PGA5: variants seen among roughly 807,000 people sequenced by gnomAD.
The protein encoded by PGA5 is pepsinogen A5.
Under a neutral mutation model 15.9 loss-of-function variants are expected in PGA5, and 19 were observed. The observed-to-expected ratio is 1.19, with a 90% CI of 0.83 to 1.75. The LOEUF is 1.75. PGA5 is among the 40% of genes most tolerant of loss of function. The pLI is 0.00. For synonymous variants in PGA5, 92 were observed against 95.8 expected (o/e 0.96, Z 0.23); for missense variants, 224 against 246.4 (o/e 0.91, Z 0.61).
Position 61,249,652 on chromosome 11 carries a change from T to C in PGA5, c.774-17T>C, listed in dbSNP as rs759790303. The stretch of plus-strand genomic sequence containing the variant: ...CCCCTGAGGGCTCAGGGAGCTTAAC[T>C]TGCTTCTTACCCTCAGCATCACCAT... On this transcript the variant is annotated splice_polypyrimidine_tract_variant and intron_variant, in intron 6 of 8. Transcript: ENST00000312403. The C allele has an allele frequency of 1.9e-6, 3 of 1,613,578 alleles. No individual in the cohort carries two copies. The South Asian group carries it at 3.3e-5, about 18-fold the overall frequency.
At position 61,246,144 on chromosome 11, in the gene PGA5, G is replaced by A. The variant is rs1457693544; in HGVS notation, c.655G>A (p.Ala219Thr). The A allele has an allele frequency of 3.0e-5, 12 of 395,050 alleles. 1 individual carries two copies. Among genetic ancestry groups the A allele is most frequent in the Admixed American group, 2.7e-4 (6 of 22,074 alleles). 24.5% of individuals were successfully genotyped at this position (395,050 alleles called of 1,614,324 possible). A position where few individuals can be genotyped will look rare whatever the true frequency, so the allele number is the denominator to read the frequency against. Reference protein sequence around the residue: ...SQDLFSVYLSADDKSGSVVIF... With the variant: ...SQDLFSVYLSTDDKSGSVVIF... ...GGACCTCTTCTCTGTCTACCTCAGC[G>A]CGTAAGTTGAGTGGAGAGGGGCCTC... The change falls in exon 5 of 9, where the codon GCC becomes ACC. Residue 219 changes from alanine to threonine, a missense_variant and splice_region_variant. Coordinates refer to ENST00000312403, the MANE Select transcript of PGA5 (RefSeq NM_014224.5).
At chr11:61,246,299 T>G (rs1350600569) in intron 5 of PGA5, among the ~76,000 whole-genome samples, 154 bp downstream of exon 5, 1 of 143,368 alleles carries the variant, frequency 7.0e-6, no homozygotes, top group African/African-American at 2.7e-5. Flanking sequence ...GAAGTGTGTC[T>G]TTGGAGAGTA....
At chr11:61,248,385 A>C in intron 5 of PGA5, 34 bp from the exon 6 acceptor site, 1 of 1,613,804 alleles carries the variant, frequency 6.2e-7, no homozygotes, top group Non-Finnish European at 8.5e-7. Context: ...GGACGAACAA[A>C]AAAATTCATG....
chr11:61,248,250 G>A, intron 5 of PGA5, 169 bp from the exon 6 acceptor site: 1 of 1,500,700 alleles, frequency 6.7e-7, no homozygotes, highest in Non-Finnish European at 9.3e-7. Context: ...AACAGTGACG[G>A]TGCCCACTGC....
intron 5 of PGA5, among the ~76,000 whole-genome samples, chr11:61,246,848 A>G (rs1297335258): frequency 6.6e-6 from 1 of 151,984 alleles, no homozygotes; most frequent in Non-Finnish European, 1.5e-5. Context: ...CAAAAATGAA[A>G]AGATTTGATC....
chr11:61,249,288 T>C, intron 6 of PGA5: 1 of 386,688 alleles, frequency 2.6e-6, no homozygotes, highest in Non-Finnish European at 4.9e-6. Context: ...CCTGGGTGTC[T>C]GTTCCCCTGG....
At position 61,246,411 on chromosome 11, in the gene PGA5, G is replaced by C. The variant is rs12803172; in HGVS notation, c.656+266G>C. ...ACAACTCAAATGTCATCAGCCATTT[G>C]CCCCTTAGTGCCACTTCCCTCACCC... On this transcript the variant is annotated intron_variant, in intron 5 of 8. Transcript: ENST00000312403. Among the ~76,000 whole-genome samples the C allele has an allele frequency of 1.2e-4, 18 of 151,798 alleles. 1 individual carries two copies. Among genetic ancestry groups the C allele is most frequent in the African/African-American group, 1.7e-4 (7 of 41,222 alleles).
intron 5 of PGA5, 55 bp downstream of exon 5, chr11:61,246,200 T>C (rs1032283131): frequency 3.3e-6 from 1 of 306,462 alleles, no homozygotes; most frequent in Non-Finnish European, 6.1e-6. Flanking sequence ...GGTCACAGTG[T>C]TCCTGCCCAG....
chr11:61,250,065 A>C lies in PGA5; in HGVS notation c.1017+51A>C, dbSNP rs376324003. 61 of 1,588,162 alleles carry C rather than the reference A, an allele frequency of 3.8e-5. 2 individuals are homozygous for C. The African/African-American group carries it at 6.7e-4, about 18-fold the overall frequency. On this transcript the variant is annotated intron_variant, in intron 8 of 8. Transcript: ENST00000312403. ...AGAGAGGTTCACACAGAATGTGGAC[A>C]CAGAGTCCCCTTCTGCAGAGGGAAA...
At chr11:61,248,850 C>G (rs2849338) in intron 6 of PGA5, among the ~76,000 whole-genome samples, 43 of 152,218 alleles carry the variant, frequency 2.8e-4, no homozygotes, top group East Asian at 2.7e-3. Context: ...CCACGCATCT[C>G]ACAATTTAAG....
At chr11:61,248,227 G>T in intron 5 of PGA5, 192 bp from the exon 6 acceptor site, 1 of 1,374,234 alleles carries the variant, frequency 7.3e-7, no homozygotes, top group Non-Finnish European at 1.0e-6. Flanking sequence ...GTGTCCTCAT[G>T]GTAAGTGGAA....
chr11:61,250,740 T>G (rs1461322409), intron 8 of PGA5: 1 of 473,084 alleles, frequency 2.1e-6, no homozygotes, highest in Non-Finnish European at 4.2e-6. Context: ...GCCCAGTGAC[T>G]TAGTGAGGCA....
chr11:61,248,232 G>C, intron 5 of PGA5, 187 bp from the exon 6 acceptor site: 4 of 1,418,064 alleles, frequency 2.8e-6, no homozygotes, highest in Non-Finnish European at 4.0e-6. Flanking sequence ...CTCATGGTAA[G>C]TGGAAACAAC....
At position 61,249,828 on chromosome 11, in the gene PGA5, G is replaced by A. The variant is rs770045241; in HGVS notation, c.918+15G>A. On this transcript the variant is annotated intron_variant, in intron 7 of 8. Transcript: ENST00000312403. ...CAGATGGCGACGTGAGTCCAGCCCC[G>A]ACTGCCCTGTTCTACACTCAAGTAG... is the stretch of plus-strand genomic sequence containing the variant. 19 of 1,613,660 alleles carry A rather than the reference G, an allele frequency of 1.2e-5. No individual in the cohort carries two copies. Among genetic ancestry groups the A allele is most frequent in the Admixed American group, 3.3e-5 (2 of 59,994 alleles).
intron 8 of PGA5, among the ~76,000 whole-genome samples, chr11:61,250,875 G>A (rs603026): frequency 0.016 from 2,386 of 151,278 alleles, 30 homozygotes; most frequent in South Asian, 0.023. Context: ...CCTTAGCACC[G>A]ATGCTGATGT....
intron 6 of PGA5, 52 bp from the exon 7 acceptor site, chr11:61,249,617 G>A (rs373270619): frequency 6.2e-7 from 1 of 1,613,470 alleles, no homozygotes; most frequent in Non-Finnish European, 8.5e-7. Flanking sequence ...TTCCTCCTTG[G>A]AGAGATGAAC....
Position 61,249,935 on chromosome 11 carries a change from C to A in PGA5, c.938C>A (p.Ala313Asp). ...TTCCAGATGGTGGTCAGCTGCTCAGCCATCAGCAGCCTGCCCGACATCGTC... is the reference window on the plus strand; with the variant it reads ...TTCCAGATGGTGGTCAGCTGCTCAGACATCAGCAGCCTGCCCGACATCGTC... ...SDGDMVVSCS[A>D]ISSLPDIVFT... The change falls in exon 8 of 9, where the codon GCC (alanine) becomes GAC (aspartate). Residue 313 changes from alanine to aspartate, a missense_variant. Coordinates refer to ENST00000312403, the MANE Select transcript of PGA5 (RefSeq NM_014224.5). 6.2e-7 allele frequency: 1 copy of A among 1,613,438 alleles called. No homozygotes were observed. The highest frequency in any genetic ancestry group is 8.5e-7 in the Non-Finnish European group (1 of 1,179,806).
At chr11:61,250,734 A>C (rs770483047) in intron 8 of PGA5, 1 of 471,306 alleles carries the variant, frequency 2.1e-6, no homozygotes, top group South Asian at 1.5e-5. Context: ...GTCGCAGCCC[A>C]GTGACTTAGT....
intron 8 of PGA5, 31 bp downstream of exon 8, chr11:61,250,045 G>A: frequency 6.2e-7 from 1 of 1,602,378 alleles, no homozygotes; most frequent in Non-Finnish European, 8.5e-7. Context: ...CCACTAGAGA[G>A]GTTCACACAG....
Sources: allele counts gnomAD v4.1 joint callset (sites outside exome capture counted in the v4.1 genomes callset), GRCh38; gene constraint gnomAD v4.1.1; transcripts MANE v1.5; gene names NCBI Gene and HGNC (gene_info 2026-07-23, HGNC 2026-07-21).